Variants in NUP210L observed in about 807,000 individuals in gnomAD.
NUP210L encodes the protein nuclear pore membrane glycoprotein 210-like.
Under a neutral mutation model 208.5 loss-of-function variants are expected in NUP210L, and 74 were observed. That is an observed-to-expected ratio of 0.35 (90% CI 0.29 to 0.43). The LOEUF (loss-of-function observed/expected upper bound fraction) is 0.43, where lower values mean the gene tolerates loss of function less well. Ranked by LOEUF, NUP210L falls within the 20% of genes least tolerant of loss-of-function variation. NUP210L has a pLI of 1.00. For synonymous variants in NUP210L, 780 were observed against 816.9 expected, an observed-to-expected ratio of 0.95 and a Z score of 0.77; for missense variants, 1,843 against 2,289.4, an observed-to-expected ratio of 0.81 and a Z score of 3.98.
chr1:154,018,263 C>T (rs1443685630), intron 33 of NUP210L, among the ~76,000 whole-genome samples: 3 of 152,086 alleles, frequency 2.0e-5, no homozygotes, highest in South Asian at 2.1e-4. Flanking sequence ...TGAGCCACCG[C>T]GCCTGGCCTT....
chr1:154,102,254 T>C (rs887922990), intron 13 of NUP210L, among the ~76,000 whole-genome samples: 2 of 152,170 alleles, frequency 1.3e-5, no homozygotes, highest in Non-Finnish European at 2.9e-5. Flanking sequence ...GAAAAGTAGG[T>C]TGGGTTATAC....
intron 30 of NUP210L, among the ~76,000 whole-genome samples, chr1:154,023,727 C>T (rs1651692278): frequency 6.6e-6 from 1 of 152,060 alleles, no homozygotes; most frequent in African/African-American, 2.4e-5. Context: ...ATCTGCCCGC[C>T]TTGGCCTCCC....
chr1:154,071,977 T>C (rs113462784), intron 16 of NUP210L, among the ~76,000 whole-genome samples: 8,913 of 83,942 alleles, frequency 0.11, 350 homozygotes, highest in Non-Finnish European at 0.17. Context: ...TTCCATCGCG[T>C]GTGTGTGTGT....
At chr1:154,022,051 C>CT (rs369874353) in intron 32 of NUP210L, 75 bp downstream of exon 32, 6,607 of 1,157,320 alleles carry the variant, frequency 5.7e-3, no homozygotes, top group Non-Finnish European at 6.8e-3. Flanking sequence ...TTAATAACTG[C>CT]TTTTTTTTTT....
chr1:154,098,165 G>A (rs1227615507), intron 14 of NUP210L, among the ~76,000 whole-genome samples: 1 of 152,224 alleles, frequency 6.6e-6, no homozygotes, highest in East Asian at 1.9e-4. Flanking sequence ...GGCTAGATCA[G>A]GTGCACTGCA....
chr1:154,041,178 T>G (rs1652853585), intron 27 of NUP210L, among the ~76,000 whole-genome samples: 1 of 151,326 alleles, frequency 6.6e-6, no homozygotes, highest in African/African-American at 2.4e-5. Flanking sequence ...TTATCCAGGC[T>G]GGTCTCAAAC....
chr1:154,107,671 G>C (rs1656838386), intron 12 of NUP210L, among the ~76,000 whole-genome samples: 1 of 151,956 alleles, frequency 6.6e-6, no homozygotes, highest in African/African-American at 2.4e-5. Context: ...TTTGAGACCA[G>C]CCTGGCCAAC....
intron 12 of NUP210L, among the ~76,000 whole-genome samples, chr1:154,114,906 T>C (rs1657240119): frequency 1.5e-5 from 2 of 136,688 alleles, no homozygotes; most frequent in South Asian, 2.5e-4. Context: ...CCTCTTGTAT[T>C]TTCTATCCAC....
At chr1:154,102,508 A>T (rs1024599275) in intron 13 of NUP210L, among the ~76,000 whole-genome samples, 5 of 152,138 alleles carry the variant, frequency 3.3e-5, no homozygotes, top group African/African-American at 7.2e-5. Flanking sequence ...CCCGGGAGTG[A>T]GGGTGTGTCT....
Position 154,059,006 on chromosome 1 carries a change from A to G in NUP210L, c.2851-313T>C, listed in dbSNP as rs1013685255. The stretch of plus-strand genomic sequence containing the variant: ...GAGTTCAAGAACAGCCTGGGGAACA[A>G]AGCAAAATCCTGGTCTCTATAAAAA... On this transcript the variant is annotated intron_variant, in intron 20 of 39. Coordinates refer to ENST00000368559, the Ensembl canonical transcript of NUP210L. Among the ~76,000 whole-genome samples, 4 of 152,020 alleles carry G rather than the reference A, an allele frequency of 2.6e-5. No individual in the cohort carries two copies. The South Asian group carries it at 8.3e-4, about 32-fold the overall frequency.
At chr1:154,140,033 A>G in intron 4 of NUP210L, 81 bp from the exon 5 acceptor site, 1 of 1,078,842 alleles carries the variant, frequency 9.3e-7, no homozygotes, top group East Asian at 2.4e-5. Context: ...CTTTAAACAT[A>G]GTTTCTTCAA....
At chr1:154,034,352 T>C (rs983567637) in intron 27 of NUP210L, among the ~76,000 whole-genome samples, 8 of 152,016 alleles carry the variant, frequency 5.3e-5, no homozygotes, top group Non-Finnish European at 8.8e-5. Context: ...TTTTTTGAGA[T>C]GGAGTCTCAC....
chr1:154,003,906 G>C (rs1269346601), intron 35 of NUP210L, among the ~76,000 whole-genome samples: 1 of 151,866 alleles, frequency 6.6e-6, no homozygotes, highest in Non-Finnish European at 1.5e-5. Flanking sequence ...TATTAGTCTG[G>C]TCTAGACCCT....
At position 154,071,329 on chromosome 1, in the gene NUP210L, A is replaced by G. The variant is rs184079934; in HGVS notation, c.2362-864T>C. Among the ~76,000 whole-genome samples, 18 of 151,792 alleles carry G rather than the reference A, an allele frequency of 1.2e-4. No homozygotes were observed. The East Asian group carries it at 3.5e-3, about 29-fold the overall frequency. On this transcript the variant is annotated intron_variant, in intron 16 of 39. Coordinates refer to ENST00000368559, the Ensembl canonical transcript of NUP210L. Reference sequence around the variant, plus strand: ...TTATGTCCGTAAGTTTTTGGGGAACAGGTGGTATTTGGTTACAAGTAAGTT... The same window carrying G: ...TTATGTCCGTAAGTTTTTGGGGAACGGGTGGTATTTGGTTACAAGTAAGTT...
At chr1:154,111,978 A>C (rs1434794531) in intron 12 of NUP210L, among the ~76,000 whole-genome samples, 1 of 151,410 alleles carries the variant, frequency 6.6e-6, no homozygotes, top group Non-Finnish European at 1.5e-5. Context: ...CCCAGGCTGG[A>C]GTGCAATGGC....
chr1:154,136,025 T>C (rs16835819), intron 6 of NUP210L, 53 bp from the exon 7 acceptor site: 18,647 of 1,182,182 alleles, frequency 0.016, 211 homozygotes, highest in East Asian at 0.045. Flanking sequence ...TTCCAGTAGA[T>C]AATGATGTAT....
chr1:154,148,973 G>A (rs1659245756), intron 2 of NUP210L, among the ~76,000 whole-genome samples: 1 of 151,860 alleles, frequency 6.6e-6, no homozygotes, highest in South Asian at 2.1e-4. Context: ...CTTTTCAGTA[G>A]AGAAATGTGT....
chr1:154,048,971 C>T (rs2147976207), intron 25 of NUP210L, among the ~76,000 whole-genome samples: 1 of 152,124 alleles, frequency 6.6e-6, no homozygotes, highest in East Asian at 1.9e-4. Context: ...GATTTGGGAG[C>T]ACAAATAAAC....
At chr1:154,010,079 A>G (rs1406691000) in exon 35 of NUP210L, 1 of 1,614,068 alleles carries the variant, frequency 6.2e-7, no homozygotes, top group Non-Finnish European at 8.5e-7. Context: ...CGCTGGAAGA[A>G]GTACTTTTGT....
Sources: allele counts gnomAD v4.1 joint callset (sites outside exome capture counted in the v4.1 genomes callset), GRCh38; gene constraint gnomAD v4.1.1; transcripts MANE v1.5; gene names NCBI Gene and HGNC (gene_info 2026-07-23, HGNC 2026-07-21).